TRAPPC8: variants seen among roughly 807,000 people sequenced by gnomAD.
TRAPPC8 encodes trafficking protein particle complex subunit 8, also known as general sporulation gene 1 homolog.
In TRAPPC8, 54 loss-of-function variants were observed where a neutral mutation model predicts 174.3. The ratio of observed to expected loss-of-function variants is 0.31; its 90% CI spans 0.25 to 0.39. The LOEUF (loss-of-function observed/expected upper bound fraction) is 0.39, where lower values mean the gene tolerates loss of function less well. Ranked by LOEUF, TRAPPC8 falls within the 10% of genes least tolerant of loss-of-function variation. TRAPPC8 has a pLI of 1.00. For synonymous variants in TRAPPC8, 630 were observed against 579.9 expected, an observed-to-expected ratio of 1.09 and a Z score of -1.24; for missense variants, 1,531 against 1,699.1, an observed-to-expected ratio of 0.90 and a Z score of 1.74.
intron 1 of TRAPPC8, chr18:31,939,484 C>T (rs1478510083): frequency 1.3e-5 from 2 of 152,322 alleles, no homozygotes; most frequent in Middle Eastern, 3.4e-3. Context: ...AGAGTTTCCT[C>T]CCTGTTTCCC....
Position 31,909,024 on chromosome 18 carries a change from G to A in TRAPPC8, c.866-14C>T, listed in dbSNP as rs1183881392. The A allele has an allele frequency of 3.8e-6, 6 of 1,578,538 alleles. No individual in the cohort carries two copies. Among genetic ancestry groups the A allele is most frequent in the Non-Finnish European group, 4.3e-6 (5 of 1,160,612 alleles). On this transcript the variant is annotated splice_polypyrimidine_tract_variant and intron_variant, in intron 6 of 28. Transcript: ENST00000283351. ...TTGGTAAGCCATCTACTGAAAAAGA[G>A]ATTATTTCTTTTACTCTCAGAATGC...
At chr18:31,894,566 TAAC>T (rs905764615) in intron 11 of TRAPPC8, among the ~76,000 whole-genome samples, 6 of 151,422 alleles carry the variant, frequency 4.0e-5, no homozygotes, top group African/African-American at 1.5e-4. Flanking sequence ...GATAAAAAGA[TAAC>T]AATAACTTAA....
intron 1 of TRAPPC8, among the ~76,000 whole-genome samples, chr18:31,942,394 C>T (rs977647188): frequency 6.6e-6 from 1 of 152,212 alleles, no homozygotes; most frequent in African/African-American, 2.4e-5. Context: ...AAAGGAAGTG[C>T]CCAGAGAAAC....
chr18:31,897,774 C>A lies in TRAPPC8; in HGVS notation c.1596+12G>T. 6.5e-7 allele frequency: 1 copy of A among 1,547,522 alleles called. No individual in the cohort carries two copies. Among genetic ancestry groups the A allele is most frequent in the South Asian group, 1.3e-5 (1 of 78,814 alleles). ...AATGCTAATTAAAGCAAATACTACA[C>A]AGTTTCAGTACCTCACTGGTCAACC... On this transcript the variant is annotated intron_variant, in intron 11 of 28. Transcript: ENST00000283351.
intron 1 of TRAPPC8, among the ~76,000 whole-genome samples, chr18:31,936,381 T>G (rs866631592): frequency 1.2e-4 from 19 of 152,168 alleles, no homozygotes; most frequent in African/African-American, 4.3e-4. Flanking sequence ...GAATGATCGC[T>G]TGAGCCCAGG....
chr18:31,888,391 A>G (rs593003), intron 12 of TRAPPC8, among the ~76,000 whole-genome samples: 150,257 of 152,206 alleles, frequency 0.99, 74,170 homozygotes, highest in Middle Eastern at 1. Context: ...GTATTAGCCG[A>G]GCATGGTGAT....
intron 4 of TRAPPC8, among the ~76,000 whole-genome samples, chr18:31,915,142 T>C (rs1219330039): frequency 6.6e-6 from 1 of 152,192 alleles, no homozygotes; most frequent in Admixed American, 6.5e-5. Context: ...ATAACAATTA[T>C]ACATTAAAAA....
chr18:31,855,848 A>G (rs752704208), intron 20 of TRAPPC8, 41 bp from the exon 21 acceptor site: 14 of 1,558,100 alleles, frequency 9.0e-6, no homozygotes, highest in Non-Finnish European at 1.2e-5. Context: ...TTAAGCACAG[A>G]GTCTCTATGT....
At chr18:31,867,937 C>A (rs2034668298) in intron 16 of TRAPPC8, among the ~76,000 whole-genome samples, 1 of 152,010 alleles carries the variant, frequency 6.6e-6, no homozygotes, top group African/African-American at 2.4e-5. Flanking sequence ...AGAGAAAATA[C>A]CTAGCTGCTC....
intron 20 of TRAPPC8, among the ~76,000 whole-genome samples, chr18:31,856,674 G>A (rs551994212): frequency 4.6e-5 from 7 of 152,072 alleles, no homozygotes; most frequent in Admixed American, 2.6e-4. Context: ...TTTACACTGT[G>A]GCTGAACTAA....
Position 31,830,075 on chromosome 18 carries a change from A to G in TRAPPC8, c.*680T>C, listed in dbSNP as rs538391553. 6.5e-6 allele frequency: 1 copy of G among 152,782 alleles called. No homozygotes were observed. The highest frequency in any genetic ancestry group is 1.5e-5 in the Non-Finnish European group (1 of 68,034). The allele number at this position is 152,782 out of a possible 1,614,324, so 9.5% of individuals were successfully genotyped here. ...AACTCAATAGTTAACGTTATATAAT[A>G]AAGAATATGGTAATTTTAATGACAA... On this transcript the variant is annotated 3_prime_UTR_variant, in exon 29 of 29. Transcript: ENST00000283351.
intron 2 of TRAPPC8, among the ~76,000 whole-genome samples, chr18:31,924,041 T>A (rs538783953): frequency 5.7e-4 from 87 of 152,220 alleles, no homozygotes; most frequent in African/African-American, 1.9e-3. Flanking sequence ...CCCAGCACTT[T>A]AGGAGGCTGA....
At chr18:31,911,112 TATATC>T (rs1022432405) in intron 5 of TRAPPC8, among the ~76,000 whole-genome samples, 3 of 152,340 alleles carry the variant, frequency 2.0e-5, no homozygotes, top group Admixed American at 6.5e-5. Flanking sequence ...AAACAATACT[TATATC>T]AGAAGATCAA....
intron 9 of TRAPPC8, among the ~76,000 whole-genome samples, chr18:31,906,079 A>G (rs2036643002): frequency 6.6e-6 from 1 of 152,026 alleles, no homozygotes. Context: ...AAAGGTTTTT[A>G]AAAACTTGGT....
At chr18:31,870,847 T>A (rs750419272) in intron 15 of TRAPPC8, 79 bp downstream of exon 15, 1 of 1,251,696 alleles carries the variant, frequency 8.0e-7, no homozygotes, top group African/African-American at 1.5e-5. Context: ...ACCAATTATG[T>A]GTGCCAAACA....
At chr18:31,836,524 G>C (rs143050345) in intron 27 of TRAPPC8, among the ~76,000 whole-genome samples, 5 of 152,184 alleles carry the variant, frequency 3.3e-5, no homozygotes, top group African/African-American at 1.2e-4. Flanking sequence ...AAGCAGGACG[G>C]GTTTAATAAA....
chr18:31,876,213 G>A (rs977617991), intron 12 of TRAPPC8, among the ~76,000 whole-genome samples: 4 of 151,942 alleles, frequency 2.6e-5, no homozygotes, highest in African/African-American at 7.3e-5. Context: ...GCTTACAGCC[G>A]GGAGGGGTGG....
At chr18:31,832,059 A>T (rs772602430) in intron 28 of TRAPPC8, 25 bp downstream of exon 28, 2 of 1,419,576 alleles carry the variant, frequency 1.4e-6, no homozygotes, top group Non-Finnish European at 1.9e-6. Context: ...CAAATCAAAT[A>T]ACCTTGCACT....
At chr18:31,850,546 T>C (rs946828229) in intron 24 of TRAPPC8, among the ~76,000 whole-genome samples, 3 of 152,216 alleles carry the variant, frequency 2.0e-5, no homozygotes, top group African/African-American at 7.2e-5. Flanking sequence ...AGGATTTCCC[T>C]TAACTAATGA....
Sources: allele counts gnomAD v4.1 joint callset (sites outside exome capture counted in the v4.1 genomes callset), GRCh38; gene constraint gnomAD v4.1.1; transcripts MANE v1.5; gene names NCBI Gene and HGNC (gene_info 2026-07-23, HGNC 2026-07-21).